MRPL30: variants seen among roughly 807,000 people sequenced by gnomAD.
MRPL30 encodes the protein mitochondrial ribosomal protein L30, also known as large ribosomal subunit protein uL30m.
In MRPL30, 10 loss-of-function variants were observed where a neutral mutation model predicts 17.2. The observed-to-expected ratio is 0.58, with a 90% CI of 0.36 to 0.99. The LOEUF (loss-of-function observed/expected upper bound fraction) is 0.99. Among genes scored for constraint, MRPL30 ranks in the 50% least tolerant of loss-of-function variants. The probability of loss-of-function intolerance (pLI) is 0.01; values close to 1 mark genes in which losing one functional copy is unlikely to be tolerated. For missense variants in MRPL30, 170 were observed against 189.8 expected (o/e 0.90, Z 0.61); for synonymous variants, 61 against 62.1 (o/e 0.98, Z 0.08).
intron 1 of MRPL30, among the ~76,000 whole-genome samples, chr2:99,184,560 A>C (rs1005233587): frequency 7.9e-5 from 12 of 152,194 alleles, no homozygotes; most frequent in Admixed American, 5.9e-4. Flanking sequence ...ATTTTTGAGC[A>C]GAGTGACATG....
In MRPL30 at chr2:99,199,068, C is replaced by A. The variant is rs2093959373; in HGVS notation, c.*3363C>A. Among the ~76,000 whole-genome samples, 1 of 152,084 alleles carries A rather than the reference C, an allele frequency of 6.6e-6. No individual in the cohort carries two copies. On this transcript the variant is annotated 3_prime_UTR_variant, in exon 6 of 6. Coordinates refer to ENST00000338148, the MANE Select transcript of MRPL30 (RefSeq NM_145212.4). ...GATTTTGACATGAACAAGATTGCTTCTTTGGGAGGTACCTTAAAATGAAAA... is the reference window on the plus strand; with the variant it reads ...GATTTTGACATGAACAAGATTGCTTATTTGGGAGGTACCTTAAAATGAAAA...
At chr2:99,183,822 A>T (rs2093929766) in intron 1 of MRPL30, among the ~76,000 whole-genome samples, 1 of 152,086 alleles carries the variant, frequency 6.6e-6, no homozygotes, top group Non-Finnish European at 1.5e-5. Flanking sequence ...TTTTTGCCAA[A>T]TGTCCTTTTG....
At chr2:99,186,125 G>T (rs2093933519) in intron 1 of MRPL30, 52 bp from the exon 2 acceptor site, 1 of 1,277,786 alleles carries the variant, frequency 7.8e-7, no homozygotes, top group African/African-American at 1.5e-5. Flanking sequence ...GGGGAAACCT[G>T]TTCATTTCCA....
intron 3 of MRPL30, among the ~76,000 whole-genome samples, chr2:99,193,445 A>AT (rs1317419607): frequency 6.6e-6 from 1 of 151,804 alleles, no homozygotes; most frequent in Non-Finnish European, 1.5e-5. Context: ...TTGGGGGTCA[A>AT]TTTTTTTTCT....
At chr2:99,182,419 C>T (rs1158335508) in intron 1 of MRPL30, among the ~76,000 whole-genome samples, 3 of 152,032 alleles carry the variant, frequency 2.0e-5, no homozygotes, top group African/African-American at 7.3e-5. Context: ...GCCGGGCGTC[C>T]GGGCGGGCGC....
At position 99,195,889 on chromosome 2, in the gene MRPL30, C is replaced by A; in HGVS notation, c.*184C>A. The A allele has an allele frequency of 1.6e-6, 1 of 640,760 alleles. No individual in the cohort carries two copies. Among genetic ancestry groups the A allele is most frequent in the Non-Finnish European group, 2.4e-6 (1 of 412,162 alleles). The allele number at this position is 640,760 out of a possible 1,614,324, so 39.7% of individuals were successfully genotyped here. ...CTGAGGTCAAGAGTTCGAGACCAGC[C>A]TGACCAACATGGAGAAACCCCCATC... is the stretch of plus-strand genomic sequence containing the variant. On this transcript the variant is annotated 3_prime_UTR_variant, in exon 6 of 6. Transcript: ENST00000338148.
In MRPL30 at chr2:99,185,335, A is replaced by G. The variant is rs143218613; in HGVS notation, c.-27-842A>G. 3.8e-3 allele frequency among the ~76,000 whole-genome samples: 582 copies of G among 152,306 alleles called. 5 individuals are homozygous for G. The highest frequency in any genetic ancestry group is 0.013 in the African/African-American group (558 of 41,568). ...TAGTAATTTAATAATAATAAAAGCT[A>G]CTATTTATTGAGGGCTTCCCACATG... On this transcript the variant is annotated intron_variant, in intron 1 of 5. Coordinates refer to ENST00000338148, the MANE Select transcript of MRPL30 (RefSeq NM_145212.4).
chr2:99,186,140 A>G (rs775172195), intron 1 of MRPL30, 37 bp from the exon 2 acceptor site: 2 of 1,426,864 alleles, frequency 1.4e-6, no homozygotes, highest in East Asian at 2.3e-5. Context: ...TTTCCAAGAC[A>G]TAGTTGACTG....
intron 1 of MRPL30, among the ~76,000 whole-genome samples, chr2:99,182,364 GC>G (rs1434962411): frequency 6.6e-6 from 1 of 152,036 alleles, no homozygotes; most frequent in Non-Finnish European, 1.5e-5. Context: ...GACCATCCTG[GC>G]TAACACGGTG....
At chr2:99,194,355 A>G (rs1401468579) in intron 3 of MRPL30, among the ~76,000 whole-genome samples, 1 of 152,204 alleles carries the variant, frequency 6.6e-6, no homozygotes, top group Admixed American at 6.5e-5. Context: ...GTATTCTCAT[A>G]ATACTTTGTA....
chr2:99,188,561 A>G lies in MRPL30; in HGVS notation c.132+304A>G, dbSNP rs568404239. 2.0e-5 allele frequency among the ~76,000 whole-genome samples: 3 copies of G among 152,192 alleles called. No individual in the cohort carries two copies. In the East Asian group the frequency reaches 5.8e-4, roughly 29 times the overall value. ...TCCTGAGAAAGCAGTGGGTCTTCCT[A>G]CTCAGGCTCTCACTGTGTCACTCTT... On this transcript the variant is annotated intron_variant, in intron 3 of 5. Transcript: ENST00000338148.
rs1352927739 is a variant in MRPL30 at position 99,198,872 on chromosome 2, A to G, written c.*3167A>G. 6.6e-6 allele frequency among the ~76,000 whole-genome samples: 1 copy of G among 152,080 alleles called. No homozygotes were observed. The highest frequency in any genetic ancestry group is 1.5e-5 in the Non-Finnish European group (1 of 68,018). On this transcript the variant is annotated 3_prime_UTR_variant, in exon 6 of 6. Transcript: ENST00000338148. ...GTCAACCCAAACACTACCTTTAAGGACGACTGCAGTTCTCTTAGGGTCTCC... is the reference window on the plus strand; with the variant it reads ...GTCAACCCAAACACTACCTTTAAGGGCGACTGCAGTTCTCTTAGGGTCTCC...
chr2:99,195,391 C>A, intron 5 of MRPL30, 182 bp from the exon 6 acceptor site: 1 of 785,888 alleles, frequency 1.3e-6, no homozygotes. Flanking sequence ...TATAGTGATC[C>A]GATCAGGGTA....
chr2:99,195,508 T>C (rs1172573833), intron 5 of MRPL30, 65 bp from the exon 6 acceptor site: 3 of 1,514,048 alleles, frequency 2.0e-6, no homozygotes, highest in East Asian at 2.3e-5. Flanking sequence ...ACTGTAGTTA[T>C]CCTGCGGGGA....
intron 1 of MRPL30, chr2:99,185,898 T>A: frequency 2.3e-6 from 1 of 444,352 alleles, no homozygotes; most frequent in Non-Finnish European, 4.3e-6. Flanking sequence ...CTGCCTTCAT[T>A]GTTGAAGAAG....
rs2093959728 is a variant in MRPL30, at chr2:99,199,327, A to G, written c.*3622A>G. Reference sequence around the variant, plus strand: ...TTTCTATATCAAAACTTTTCTCTCAAGACCTGAGGGAATTAATTAATAAGG... The same window carrying G: ...TTTCTATATCAAAACTTTTCTCTCAGGACCTGAGGGAATTAATTAATAAGG... On this transcript the variant is annotated 3_prime_UTR_variant, in exon 6 of 6. Coordinates refer to ENST00000338148, the MANE Select transcript of MRPL30 (RefSeq NM_145212.4). Among the ~76,000 whole-genome samples the G allele has an allele frequency of 6.6e-6, 1 of 152,200 alleles. No homozygotes were observed. Among genetic ancestry groups the G allele is most frequent in the African/African-American group, 2.4e-5 (1 of 41,444 alleles).
chr2:99,190,446 A>G (rs2093942945), intron 3 of MRPL30, among the ~76,000 whole-genome samples: 2 of 150,998 alleles, frequency 1.3e-5, no homozygotes, highest in African/African-American at 4.9e-5. Flanking sequence ...TGCAGGCCCA[A>G]CTGCTCAGGA....
Position 99,198,706 on chromosome 2 carries a change from G to A in MRPL30, c.*3001G>A, listed in dbSNP as rs985433230. On this transcript the variant is annotated 3_prime_UTR_variant, in exon 6 of 6. Coordinates refer to ENST00000338148, the MANE Select transcript of MRPL30 (RefSeq NM_145212.4). ...GGTTTCTTCAGATTGGCATTCCTTTGCCTCATATCATCACTTCAAAACCCT... is the reference window on the plus strand; with the variant it reads ...GGTTTCTTCAGATTGGCATTCCTTTACCTCATATCATCACTTCAAAACCCT... 6.6e-6 allele frequency among the ~76,000 whole-genome samples: 1 copy of A among 152,110 alleles called. No homozygotes were observed. Among genetic ancestry groups the A allele is most frequent in the African/African-American group, 2.4e-5 (1 of 41,434 alleles).
At chr2:99,193,965 G>A (rs771632813) in intron 3 of MRPL30, among the ~76,000 whole-genome samples, 2 of 151,818 alleles carry the variant, frequency 1.3e-5, no homozygotes, top group Non-Finnish European at 1.5e-5. Context: ...TTGAACCTTG[G>A]GGGCAGAGGT....
Sources: gnomAD v4.1 joint callset for allele counts (sites outside exome capture counted in the v4.1 genomes callset) on GRCh38, gnomAD v4.1.1 for gene constraint, MANE v1.5 for transcripts, NCBI Gene and HGNC (gene_info 2026-07-23, HGNC 2026-07-21) for gene names.